Variants in TRPM3 observed in about 807,000 individuals in gnomAD.
The protein encoded by TRPM3 is long transient receptor potential channel 3.
TRPM3 carries 77 observed loss-of-function variants against 181.2 expected under a neutral mutation model. The ratio of observed to expected loss-of-function variants is 0.42; its 90% CI spans 0.35 to 0.51. The LOEUF (loss-of-function observed/expected upper bound fraction) is 0.51, where lower values mean the gene tolerates loss of function less well. Among genes scored for constraint, TRPM3 ranks in the 20% least tolerant of loss-of-function variants. TRPM3 has a pLI of 0.01. For synonymous variants in TRPM3, 745 were observed against 796.4 expected (o/e 0.94, Z 1.09); for missense variants, 1,759 against 2,196.7 (o/e 0.80, Z 3.98).
intron 8 of TRPM3, among the ~76,000 whole-genome samples, chr9:70,688,621 C>T (rs192150461): frequency 1.8e-4 from 28 of 152,300 alleles, no homozygotes; most frequent in African/African-American, 6.3e-4. Context: ...CCCAATCCCA[C>T]GTACCTGATG....
intron 1 of TRPM3, among the ~76,000 whole-genome samples, chr9:71,316,129 GTTTA>G (rs2088564245): frequency 6.6e-6 from 1 of 152,194 alleles, no homozygotes; most frequent in African/African-American, 2.4e-5. Context: ...AGTGTCATTA[GTTTA>G]TTTAAATATT....
At chr9:71,060,456 G>A (rs1442599193) in intron 1 of TRPM3, among the ~76,000 whole-genome samples, 1 of 152,078 alleles carries the variant, frequency 6.6e-6, no homozygotes, top group Non-Finnish European at 1.5e-5. Flanking sequence ...ATGATTCTTG[G>A]AAGTTCAGTA....
At chr9:71,070,729 T>C (rs773786684) in intron 1 of TRPM3, among the ~76,000 whole-genome samples, 2 of 152,254 alleles carry the variant, frequency 1.3e-5, no homozygotes, top group East Asian at 1.9e-4. Flanking sequence ...GTGTGGTGAT[T>C]ATGTTTGTAT....
At chr9:70,617,279 G>C (rs555980626) in intron 17 of TRPM3, among the ~76,000 whole-genome samples, 3 of 152,310 alleles carry the variant, frequency 2.0e-5, no homozygotes, top group African/African-American at 7.2e-5. Flanking sequence ...GTCACCAGCA[G>C]TGTGGCTATG....
rs149811100 is a variant in TRPM3 at position 70,932,162 on chromosome 9, A to G, written c.178-67651T>C. Among the ~76,000 whole-genome samples the G allele has an allele frequency of 3.0e-3, 456 of 152,282 alleles. 3 individuals carry two copies. The highest frequency in any genetic ancestry group is 0.011 in the African/African-American group (442 of 41,566). On this transcript the variant is annotated intron_variant, in intron 1 of 25. Coordinates refer to ENST00000677713, the MANE Select transcript of TRPM3 (RefSeq NM_001366145.2). ...CCTGGAGGAAAACTGAGAGCATTTT[A>G]GATTTGCTTTATATGCCTCTCTACC...
chr9:71,116,706 A>G (rs1397535421), intron 1 of TRPM3, among the ~76,000 whole-genome samples: 2 of 152,274 alleles, frequency 1.3e-5, no homozygotes, highest in Non-Finnish European at 2.9e-5. Flanking sequence ...AAAGGATAAA[A>G]AATAAGAGTT....
intron 3 of TRPM3, among the ~76,000 whole-genome samples, chr9:70,855,683 T>C (rs747061343): frequency 1.3e-5 from 2 of 152,194 alleles, no homozygotes; most frequent in Non-Finnish European, 2.9e-5. Flanking sequence ...GTTTGAGAAA[T>C]GTAACAAGCA....
intron 1 of TRPM3, among the ~76,000 whole-genome samples, chr9:71,433,271 A>C (rs1235253403): frequency 2.0e-5 from 3 of 152,164 alleles, no homozygotes; most frequent in African/African-American, 7.2e-5. Flanking sequence ...GGAGGGACCC[A>C]GTGGGAGGTA....
rs760419807 is a variant in TRPM3 at position 71,121,372 on chromosome 9, A to G, written c.-18T>C. 15 of 1,611,450 alleles carry G rather than the reference A, an allele frequency of 9.3e-6. No homozygotes were observed. The highest frequency in any genetic ancestry group is 3.3e-5 in the Admixed American group (2 of 59,748). On this transcript the variant is annotated 5_prime_UTR_variant, in exon 1 of 26. Transcript: ENST00000677713. ...TCTGGCATCCCATGGTCATCTCCAC[A>G]CCTGCAAATTCCATTAGGGCAGAGG...
At chr9:71,187,920 T>C (rs892267565) in intron 1 of TRPM3, among the ~76,000 whole-genome samples, 3 of 132,816 alleles carry the variant, frequency 2.3e-5, no homozygotes, top group African/African-American at 5.5e-5. Context: ...GATAGATAGA[T>C]AGATAGATAG....
intron 1 of TRPM3, among the ~76,000 whole-genome samples, chr9:71,203,412 A>T (rs1043563266): frequency 6.6e-6 from 1 of 152,172 alleles, no homozygotes; most frequent in African/African-American, 2.4e-5. Flanking sequence ...CACTGTGCTT[A>T]ATTTTGTACT....
intron 1 of TRPM3, among the ~76,000 whole-genome samples, chr9:71,286,963 A>ATATATAATTATATATAATATAATTATAT (rs1565424434): frequency 7.2e-6 from 1 of 138,190 alleles, no homozygotes; most frequent in Non-Finnish European, 1.5e-5. Flanking sequence ...TATATAAATT[A>ATATATAATTATATATAATATAATTATAT]TATATAATAT....
intron 1 of TRPM3, among the ~76,000 whole-genome samples, chr9:71,068,484 G>A (rs2062236855): frequency 6.6e-6 from 1 of 152,132 alleles, no homozygotes; most frequent in Admixed American, 6.5e-5. Flanking sequence ...GGACCAGGAT[G>A]GTGCTAACTA....
At chr9:71,443,663 A>T (rs932891872) in intron 1 of TRPM3, among the ~76,000 whole-genome samples, 11 of 152,156 alleles carry the variant, frequency 7.2e-5, no homozygotes, top group Non-Finnish European at 1.3e-4. Flanking sequence ...TCATGGAGTT[A>T]CCCAACCTCT....
At chr9:71,038,055 T>C (rs2058416203) in intron 1 of TRPM3, among the ~76,000 whole-genome samples, 1 of 152,254 alleles carries the variant, frequency 6.6e-6, no homozygotes, top group Admixed American at 6.5e-5. Flanking sequence ...ATGAACCTAC[T>C]GAATTTTCAA....
intron 1 of TRPM3, among the ~76,000 whole-genome samples, chr9:71,277,724 G>A (rs1337769964): frequency 6.6e-6 from 1 of 152,130 alleles, no homozygotes; most frequent in Non-Finnish European, 1.5e-5. Flanking sequence ...TCTTCTCATG[G>A]CAATATTTTA....
intron 1 of TRPM3, among the ~76,000 whole-genome samples, chr9:71,213,077 T>G (rs1384203362): frequency 1.3e-5 from 2 of 152,312 alleles, no homozygotes; most frequent in African/African-American, 4.8e-5. Context: ...TCCACAAATG[T>G]TTTCTCTCAA....
rs146451342 is a variant in TRPM3, at chr9:71,242,780, C to T, written c.183+203873G>A. On this transcript the variant is annotated intron_variant, in intron 1 of 24. Coordinates refer to the TRPM3 transcript ENST00000357533. Reference sequence around the variant, plus strand: ...ACTGCCTTCATCACCTTTCATCATCCATTCTCCATATTTTAGCCAAATTGA... The same window carrying T: ...ACTGCCTTCATCACCTTTCATCATCTATTCTCCATATTTTAGCCAAATTGA... 7.6e-3 allele frequency among the ~76,000 whole-genome samples: 1,155 copies of T among 152,214 alleles called. 20 individuals are homozygous for T. Among genetic ancestry groups the T allele is most frequent in the African/African-American group, 0.026 (1,080 of 41,522 alleles).
At chr9:70,870,599 TA>T (rs1335350967) in intron 1 of TRPM3, among the ~76,000 whole-genome samples, 1 of 152,010 alleles carries the variant, frequency 6.6e-6, no homozygotes, top group Non-Finnish European at 1.5e-5. Context: ...TTATTTATAA[TA>T]CAGAAAAAGT....
Sources: allele counts gnomAD v4.1 joint callset (sites outside exome capture counted in the v4.1 genomes callset), GRCh38; gene constraint gnomAD v4.1.1; transcripts MANE v1.5; gene names NCBI Gene and HGNC (gene_info 2026-07-23, HGNC 2026-07-21).